CNTNAP1: variants seen among roughly 807,000 people sequenced by gnomAD.
CNTNAP1 encodes the protein contactin-associated protein 1.
In CNTNAP1, 80 loss-of-function variants were observed where a neutral mutation model predicts 161.5. The observed-to-expected ratio is 0.50, with a 90% CI of 0.41 to 0.60. The LOEUF (loss-of-function observed/expected upper bound fraction) is 0.60, where lower values mean the gene tolerates loss of function less well. Among genes scored for constraint, CNTNAP1 ranks in the 20% least tolerant of loss-of-function variants. The pLI is 0.00. For missense variants in CNTNAP1, 1,464 were observed against 1,854.8 expected (o/e 0.79, Z 3.87); for synonymous variants, 695 against 733.1 (o/e 0.95, Z 0.84).
chr17:42,687,373 C>T lies in CNTNAP1; in HGVS notation c.1044+327C>T. 2.0e-6 allele frequency: 1 copy of T among 494,242 alleles called. No individual in the cohort carries two copies. The highest frequency in any genetic ancestry group is 2.8e-5 in the South Asian group (1 of 35,576). 30.6% of individuals were successfully genotyped at this position (494,242 alleles called of 1,614,324 possible). A position where few individuals can be genotyped will look rare whatever the true frequency, so the allele number is the denominator to read the frequency against. On this transcript the variant is annotated intron_variant, in intron 7 of 23. Transcript: ENST00000264638. This position sits in a 1 kb window ranked among gnomAD's most constrained non-coding sequence, Gnocchi z 4.7. ...TTGAACCGATGGCTTCTCTGATATG[C>T]CCCCCTCAACCCTCTCCGACTCTGG...
chr17:42,698,733 C>T lies in CNTNAP1; in HGVS notation c.3978C>T (p.Tyr1326=), dbSNP rs376403056. The T allele has an allele frequency of 7.3e-5, 117 of 1,613,552 alleles. 1 individual carries two copies. The Middle Eastern group carries it at 1.8e-3, about 25-fold the overall frequency. The stretch of plus-strand genomic sequence containing the variant: ...ATGAGCCCAAGGCTGCCCACGAGTA[C>T]CATCCTGGCAGCAAACCTCCCCTAC... ...HTNEPKAAHE[Y]HPGSKPPLPT... The change falls in exon 24 of 24, where the codon TAC becomes TAT. Residue 1326 remains tyrosine (Y), a synonymous_variant. Coordinates refer to ENST00000264638, the MANE Select transcript of CNTNAP1 (RefSeq NM_003632.3).
rs753764412 is a variant in CNTNAP1, at chr17:42,690,134, T to G, written c.1782T>G (p.Thr594=). 1 of 1,613,934 alleles carries G rather than the reference T, an allele frequency of 6.2e-7. No homozygotes were observed. Among genetic ancestry groups the G allele is most frequent in the African/African-American group, 1.3e-5 (1 of 74,888 alleles). Residue 594 remains threonine, a synonymous_variant, in exon 12 of 24, where the codon ACT becomes ACG. Transcript: ENST00000264638. ...AGGCTTATCGGCTCAGTGGGAAAACTTCTGGAAACTTCACCATTGATCCTG... is the reference window on the plus strand; with the variant it reads ...AGGCTTATCGGCTCAGTGGGAAAACGTCTGGAAACTTCACCATTGATCCTG... ...SCEAYRLSGK[T]SGNFTIDPDG... is the part of the protein sequence containing the mutation.
In CNTNAP1 at chr17:42,691,504, T is replaced by C. The variant is rs897472320; in HGVS notation, c.2337T>C (p.Tyr779=). 2.5e-6 allele frequency: 4 copies of C among 1,613,904 alleles called. No individual in the cohort carries two copies. Among genetic ancestry groups the C allele is most frequent in the African/African-American group, 2.7e-5 (2 of 74,888 alleles). ...AQFFLRPLRC[Y]GDRNSWNTIS... ...TCTTCCTGAGGCCTCTGCGCTGCTA[T>C]GGCGATCGTGAGTGGCAGTCCCCTT... Residue 779 remains tyrosine, a synonymous_variant, in exon 15 of 24, where the codon TAT becomes TAC. Transcript: ENST00000264638. The surrounding 1 kb of genome is among the most constrained non-coding windows in gnomAD (Gnocchi z 4.3).
chr17:42,695,556 C>A lies in CNTNAP1; in HGVS notation c.3028C>A (p.Arg1010Ser), dbSNP rs926257786. ...TTTCTTTGAGCCGGGCACCTGGATG[C>A]GCTATAACCTACAGTCAGCGCTGCG... ...GGFFEPGTWMRYNLQSALRSA... is the reference protein window; with the variant it reads ...GGFFEPGTWMSYNLQSALRSA... The change falls in exon 19 of 24, where the codon CGC (arginine) becomes AGC (serine). Residue 1010 changes from arginine to serine, a missense_variant. By Grantham distance (110) the Arg-to-Ser change is moderately radical. Coordinates refer to ENST00000264638, the MANE Select transcript of CNTNAP1 (RefSeq NM_003632.3). The A allele has an allele frequency of 1.2e-6, 2 of 1,610,014 alleles. No individual in the cohort carries two copies. Among genetic ancestry groups the A allele is most frequent in the South Asian group, 1.1e-5 (1 of 91,010 alleles).
chr17:42,685,106 G>T lies in CNTNAP1; in HGVS notation c.479G>T (p.Gly160Val). The T allele has an allele frequency of 6.3e-7, 1 of 1,581,252 alleles. No homozygotes were observed. Among genetic ancestry groups the T allele is most frequent in the South Asian group, 1.2e-5 (1 of 85,888 alleles). The change falls in exon 4 of 24, where the codon GGC becomes GTC. Residue 160 changes from glycine (G) to valine (V), a missense_variant. By Grantham distance (109) the Gly-to-Val change is moderately radical (BLOSUM62 -3). This residue lies in a region of CNTNAP1 where 1,383 missense variants were observed against 1,765.0 expected (regional missense o/e 0.78). Transcript: ENST00000264638. The surrounding 1 kb of genome is among the most constrained non-coding windows in gnomAD (Gnocchi z 5.0). ...GCCTGGAACCCACGCGGCAAGATCGGCCTGAGGCTCGGCCTCTATGGCTGC... is the reference window on the plus strand; with the variant it reads ...GCCTGGAACCCACGCGGCAAGATCGTCCTGAGGCTCGGCCTCTATGGCTGC... ...PLAWNPRGKI[G>V]LRLGLYGCPY...
At position 42,689,005 on chromosome 17, in the gene CNTNAP1, T is replaced by C. The variant is rs2053053340; in HGVS notation, c.1586T>C (p.Phe529Ser). The C allele has an allele frequency of 1.2e-6, 2 of 1,609,810 alleles. No homozygotes were observed. ...CTGGTGGAGGGCCGGCGGCTTGGAT[T>C]CTATGCTGAGGTCCTCTTTGATACA... Reference protein sequence around the residue: ...LTLVEGRRLGFYAEVLFDTCG... With the variant: ...LTLVEGRRLGSYAEVLFDTCG... The change falls in exon 10 of 24, where the codon TTC becomes TCC. Residue 529 changes from phenylalanine to serine, a missense_variant. Coordinates refer to ENST00000264638, the MANE Select transcript of CNTNAP1 (RefSeq NM_003632.3).
chr17:42,685,964 C>G lies in CNTNAP1; in HGVS notation c.723C>G (p.Ser241Arg), dbSNP rs756098225. ...GTCCTGCCCCACCCTCAGGCAGCAG[C>G]CCTATCCAGCCAAGACCAGGTCACA... ...HLLLHMSLGS[S>R]PIQPRPGHTT... is the part of the protein sequence containing the mutation. The change falls in exon 6 of 24, where the codon AGC (serine) becomes AGG (arginine). Residue 241 changes from serine (S) to arginine (R), a missense_variant. Physicochemically the swap from Ser to Arg is moderately radical, Grantham distance 110 (BLOSUM62 -1). Transcript: ENST00000264638. The surrounding 1 kb of genome is among the most constrained non-coding windows in gnomAD (Gnocchi z 5.0). The G allele has an allele frequency of 1.4e-5, 22 of 1,613,996 alleles. No individual in the cohort carries two copies. The highest frequency in any genetic ancestry group is 1.9e-5 in the Non-Finnish European group (22 of 1,180,024).
At chr17:42,686,204 G>A in intron 6 of CNTNAP1, 63 bp downstream of exon 6, 1 of 1,518,728 alleles carries the variant, frequency 6.6e-7, no homozygotes, top group Admixed American at 1.7e-5. Flanking sequence ...AGTGCAGGTC[G>A]GTCTCTCCCT....
At position 42,695,693 on chromosome 17, in the gene CNTNAP1, C is replaced by T. The variant is rs369198043; in HGVS notation, c.3165C>T (p.Pro1055=). 1.9e-5 allele frequency: 31 copies of T among 1,614,050 alleles called. No homozygotes were observed. Among genetic ancestry groups the T allele is most frequent in the African/African-American group, 1.6e-4 (12 of 74,922 alleles). Reference sequence around the variant, plus strand: ...GCTATGTGCCTGGCTACCATGGCCCCGGGTACCGCCTGCCCGACTACCCCC... The same window carrying T: ...GCTATGTGCCTGGCTACCATGGCCCTGGGTACCGCCTGCCCGACTACCCCC... ...TPGYVPGYHG[P]GYRLPDYPRP... The change falls in exon 19 of 24, where the codon CCC becomes CCT. Residue 1055 remains proline, a synonymous_variant. Coordinates refer to ENST00000264638, the MANE Select transcript of CNTNAP1 (RefSeq NM_003632.3).
At chr17:42,697,419 C>G (rs765885803) in intron 21 of CNTNAP1, 52 bp downstream of exon 21, 15 of 1,609,142 alleles carry the variant, frequency 9.3e-6, no homozygotes, top group Admixed American at 3.3e-5. Flanking sequence ...GCATATGTTC[C>G]TGGATCCTCA....
rs1243929065 is a variant in CNTNAP1, at chr17:42,685,647, G to C, written c.715+227G>C. On this transcript the variant is annotated intron_variant, in intron 5 of 23. Transcript: ENST00000264638. The surrounding 1 kb of genome is among the most constrained non-coding windows in gnomAD (Gnocchi z 5.0). Reference sequence around the variant, plus strand: ...ACCACTACACAGAGATGTGACCTCGGATGGGGCACTTCCGAGCCTCAGTTC... The same window carrying C: ...ACCACTACACAGAGATGTGACCTCGCATGGGGCACTTCCGAGCCTCAGTTC... 6.6e-6 allele frequency among the ~76,000 whole-genome samples: 1 copy of C among 152,208 alleles called. No homozygotes were observed. Among genetic ancestry groups the C allele is most frequent in the East Asian group, 1.9e-4 (1 of 5,198 alleles).
chr17:42,697,016 A>C (rs570348986), intron 20 of CNTNAP1, among the ~76,000 whole-genome samples: 1 of 152,198 alleles, frequency 6.6e-6, no homozygotes, highest in African/African-American at 2.4e-5. Flanking sequence ...TTCACAAAGA[A>C]AAATATTTAA....
rs1318028931 is a variant in CNTNAP1, at chr17:42,683,015, CTG to C, written c.67+120_67+121del. The stretch of plus-strand genomic sequence containing the variant: ...GTCCTTCCCGGCCGGCGCGCGCCCG[CTG>C]GCTCTCATCTTTTCCTGCCTCTCCC... On this transcript the variant is annotated intron_variant, in intron 1 of 23. Transcript: ENST00000264638. 110 of 950,658 alleles carry C rather than the reference CTG, an allele frequency of 1.2e-4. No individual in the cohort carries two copies. In the South Asian group the frequency reaches 1.8e-3, roughly 16 times the overall value. The allele number at this position is 950,658 out of a possible 1,614,324, so 58.9% of individuals were successfully genotyped here.
Position 42,686,469 on chromosome 17 carries a change from G to GTTTTTTTTTTTTTTTTTTTTTTT in CNTNAP1, c.900+330_900+352dup, listed in dbSNP as rs748366958. On this transcript the variant is annotated intron_variant, in intron 6 of 23. Coordinates refer to ENST00000264638, the MANE Select transcript of CNTNAP1 (RefSeq NM_003632.3). The stretch of plus-strand genomic sequence containing the variant: ...CTTGCCACTCACCAGAAAAAGGCCT[G>GTTTTTTTTTTTTTTTTTTTTTTT]TTTTTTTTTTTTTTTTTTTTTTTTG... Among the ~76,000 whole-genome samples, 12 of 71,360 alleles carry GTTTTTTTTTTTTTTTTTTTTTTT rather than the reference G, an allele frequency of 1.7e-4. 4 individuals carry two copies. Among genetic ancestry groups the GTTTTTTTTTTTTTTTTTTTTTTT allele is most frequent in the Admixed American group, 3.4e-4 (2 of 5,800 alleles). 46.8% of individuals were successfully genotyped at this position (71,360 alleles called of 152,430 possible).
At position 42,685,926 on chromosome 17, in the gene CNTNAP1, G is replaced by C. The variant is rs1339888503; in HGVS notation, c.716-31G>C. On this transcript the variant is annotated intron_variant, in intron 5 of 23. Coordinates refer to ENST00000264638, the MANE Select transcript of CNTNAP1 (RefSeq NM_003632.3). The surrounding 1 kb of genome is among the most constrained non-coding windows in gnomAD (Gnocchi z 5.0). ...GGACTCCATGGAGTTCTCCTGGCTT[G>C]AGGTTTCACTCTGTCCTGCCCCACC... The C allele has an allele frequency of 6.2e-7, 1 of 1,607,590 alleles. No individual in the cohort carries two copies. The highest frequency in any genetic ancestry group is 1.7e-5 in the Admixed American group (1 of 59,758).
In CNTNAP1 at chr17:42,692,527, T is replaced by C; in HGVS notation, c.2559T>C (p.Asp853=). Residue 853 remains aspartate, a synonymous_variant, in exon 17 of 24, where the codon GAT becomes GAC. Coordinates refer to ENST00000264638, the MANE Select transcript of CNTNAP1 (RefSeq NM_003632.3). ...NTSRDVVFAF[D]VGNGDENLTV... is the part of the protein sequence containing the mutation. ...CCCGGGATGTGGTCTTCGCCTTTGA[T>C]GTGGGGAATGGGGATGAGAACCTCA... 2 of 1,614,124 alleles carry C rather than the reference T, an allele frequency of 1.2e-6. No homozygotes were observed. Among genetic ancestry groups the C allele is most frequent in the Non-Finnish European group, 1.7e-6 (2 of 1,180,018 alleles).
chr17:42,692,043 G>A (rs1278106430), intron 16 of CNTNAP1, 52 bp downstream of exon 16: 10 of 1,574,324 alleles, frequency 6.4e-6, no homozygotes, highest in African/African-American at 1.3e-5. Flanking sequence ...GTGCTGTCTG[G>A]GGAGACAGGG....
At position 42,687,472 on chromosome 17, in the gene CNTNAP1, G is replaced by A. The variant is rs1268307553; in HGVS notation, c.1045-248G>A. 1.7e-6 allele frequency: 1 copy of A among 576,686 alleles called. No homozygotes were observed. The highest frequency in any genetic ancestry group is 3.2e-5 in the Admixed American group (1 of 31,122). 35.7% of individuals were successfully genotyped at this position (576,686 alleles called of 1,614,324 possible). A position where few individuals can be genotyped will look rare whatever the true frequency, so the allele number is the denominator to read the frequency against. On this transcript the variant is annotated intron_variant, in intron 7 of 23. Coordinates refer to ENST00000264638, the MANE Select transcript of CNTNAP1 (RefSeq NM_003632.3). This position sits in a 1 kb window ranked among gnomAD's most constrained non-coding sequence, Gnocchi z 4.7. ...CTCTCGATACTGGAAGGAGAGAAGCGGTCGAATCGCAGACGGTGGAGATCA... is the reference window on the plus strand; with the variant it reads ...CTCTCGATACTGGAAGGAGAGAAGCAGTCGAATCGCAGACGGTGGAGATCA...
At position 42,685,347 on chromosome 17, in the gene CNTNAP1, C is replaced by A. The variant is rs768387220; in HGVS notation, c.642C>A (p.His214Gln). ...AGGAGAAGGACGGTCTTCTGCTGCA[C>A]GCCGAGGGCGCCCAGGGCGACTACG... Reference protein sequence around the residue: ...KTEEKDGLLLHAEGAQGDYVT... With the variant: ...KTEEKDGLLLQAEGAQGDYVT... The change falls in exon 5 of 24, where the codon CAC (histidine) becomes CAA (glutamine). Residue 214 changes from histidine to glutamine, a missense_variant. Transcript: ENST00000264638. The surrounding 1 kb of genome is among the most constrained non-coding windows in gnomAD (Gnocchi z 5.0). 1.9e-6 allele frequency: 3 copies of A among 1,610,136 alleles called. No homozygotes were observed. The highest frequency in any genetic ancestry group is 2.7e-5 in the African/African-American group (2 of 75,072).
Sources: allele counts gnomAD v4.1 joint callset (sites outside exome capture counted in the v4.1 genomes callset), GRCh38; gene constraint gnomAD v4.1.1; regional missense constraint gnomAD v4.1.1; non-coding constraint Gnocchi (gnomAD v3.1); transcripts MANE v1.5; gene names NCBI Gene and HGNC (gene_info 2026-07-23, HGNC 2026-07-21).